The following ANKRD30A variants were observed in gnomAD, a reference collection of about 807,000 sequenced individuals.
ANKRD30A encodes ankyrin repeat domain-containing protein 30A.
A neutral mutation model predicts 166.3 loss-of-function variants in ANKRD30A; 170 were observed. The ratio of observed to expected loss-of-function variants is 1.02; its 90% CI spans 0.90 to 1.16. ANKRD30A has a LOEUF of 1.16. ANKRD30A is among the 50% of genes most tolerant of loss of function. ANKRD30A has a pLI of 0.00. For synonymous variants in ANKRD30A, 564 were observed against 508.9 expected (o/e 1.11, Z -1.46); for missense variants, 1,630 against 1,518.0 (o/e 1.07, Z -1.23).
chr10:37,183,163 T>C (rs1681112177), intron 24 of ANKRD30A, among the ~76,000 whole-genome samples: 3 of 149,482 alleles, frequency 2.0e-5, no homozygotes, highest in Non-Finnish European at 4.5e-5. Context: ...GAAATTAAAA[T>C]GAAAATATTT....
chr10:37,198,640 A>C (rs1015159936), intron 29 of ANKRD30A, among the ~76,000 whole-genome samples: 1 of 152,044 alleles, frequency 6.6e-6, no homozygotes, highest in East Asian at 1.9e-4. Flanking sequence ...TCCAGGGTTC[A>C]CTTCCAAAAA....
chr10:37,183,152 A>G (rs1840147305), intron 24 of ANKRD30A, among the ~76,000 whole-genome samples: 1 of 149,424 alleles, frequency 6.7e-6, no homozygotes, highest in Admixed American at 6.8e-5. Context: ...ATCCACTGTT[A>G]GAAATTAAAA....
At chr10:37,246,231 A>G in the ANKRD30A span, among the ~76,000 whole-genome samples, 12 of 152,354 alleles carry the variant, frequency 7.9e-5, no homozygotes, top group East Asian at 2.1e-3. Flanking sequence ...AATTTTACAA[A>G]GTAAAAATTA....
intron 27 of ANKRD30A, among the ~76,000 whole-genome samples, chr10:37,196,900 C>G (rs1052905781): frequency 6.6e-6 from 1 of 152,122 alleles, no homozygotes; most frequent in African/African-American, 2.4e-5. Context: ...AACCATGTAC[C>G]TTTCCGAAGA....
chr10:37,197,350 T>A, intron 28 of ANKRD30A, 41 bp downstream of exon 28: 4 of 1,613,090 alleles, frequency 2.5e-6, no homozygotes, highest in Non-Finnish European at 3.4e-6. Context: ...ACTTATTAAC[T>A]ATGTATTTTG....
intron 31 of ANKRD30A, among the ~76,000 whole-genome samples, chr10:37,204,871 G>A (rs913899203): frequency 1.3e-5 from 2 of 152,192 alleles, no homozygotes; most frequent in Non-Finnish European, 1.5e-5. Flanking sequence ...CCTGTCATCA[G>A]AGAAATGCAA....
chr10:37,150,214 T>C (rs2132554074), intron 11 of ANKRD30A, among the ~76,000 whole-genome samples: 1 of 152,222 alleles, frequency 6.6e-6, no homozygotes, highest in African/African-American at 2.4e-5. Context: ...ATCACGTCTT[T>C]TACTGATATA....
chr10:37,126,158 T>C (rs934317525), intron 1 of ANKRD30A, 150 bp downstream of exon 1: 2 of 798,770 alleles, frequency 2.5e-6, no homozygotes, highest in Admixed American at 2.7e-5. Context: ...GGCCCTCGGG[T>C]CTAGGCCTTC....
At chr10:37,126,477 G>C (rs1369938528) in intron 1 of ANKRD30A, among the ~76,000 whole-genome samples, 7 of 152,118 alleles carry the variant, frequency 4.6e-5, no homozygotes, top group Non-Finnish European at 7.4e-5. Flanking sequence ...TATCCATTTT[G>C]ATATCAATGA....
At chr10:37,155,092 C>A (rs1224988658) in intron 13 of ANKRD30A, among the ~76,000 whole-genome samples, 6 of 151,998 alleles carry the variant, frequency 3.9e-5, no homozygotes, top group Admixed American at 1.3e-4. Flanking sequence ...ATTTTAAAAA[C>A]CATAAAATTC....
At chr10:37,228,937 A>AT (rs1186740812) in intron 34 of ANKRD30A, among the ~76,000 whole-genome samples, 2 of 152,024 alleles carry the variant, frequency 1.3e-5, no homozygotes, top group African/African-American at 2.4e-5. Flanking sequence ...TTACTAATTA[A>AT]TCTGCCATTT....
chr10:37,125,875 G>A lies in ANKRD30A; in HGVS notation c.88G>A (p.Asp30Asn). The A allele has an allele frequency of 6.6e-7, 1 of 1,505,232 alleles. No homozygotes were observed. The highest frequency in any genetic ancestry group is 1.1e-5 in the South Asian group (1 of 87,848). The allele number at this position is 1,505,232 out of a possible 1,614,324, so 93.2% of individuals were successfully genotyped here. A position where few individuals can be genotyped will look rare whatever the true frequency, so the allele number is the denominator to read the frequency against. The change falls in exon 1 of 36, where the codon GAC becomes AAC. Residue 30 changes from aspartate to asparagine, a missense_variant. By Grantham distance (23) the Asp-to-Asn change is conservative. This residue lies in a region of ANKRD30A where 904 missense variants were observed against 818.5 expected (regional missense o/e 1.10). Transcript: ENST00000361713. Reference protein sequence around the residue: ...PFSQLVYTSNDSYIVHSGDLR... With the variant: ...PFSQLVYTSNNSYIVHSGDLR... The stretch of plus-strand genomic sequence containing the variant: ...CAGCCAGCTAGTCTATACCAGCAAC[G>A]ACTCCTACATCGTCCACTCTGGGGA...
intron 15 of ANKRD30A, among the ~76,000 whole-genome samples, chr10:37,162,115 A>T (rs1167003148): frequency 6.6e-6 from 1 of 152,156 alleles, no homozygotes. Context: ...ACAGAAATAT[A>T]GGCATATGAT....
chr10:37,247,818 C>A, the ANKRD30A span, among the ~76,000 whole-genome samples: 1 of 148,782 alleles, frequency 6.7e-6, no homozygotes, highest in African/African-American at 2.5e-5. Context: ...GGAGGCGGAG[C>A]TTGCAGTGAG....
At chr10:37,172,500 G>T (rs2132623348) in intron 21 of ANKRD30A, among the ~76,000 whole-genome samples, 1 of 119,486 alleles carries the variant, frequency 8.4e-6, no homozygotes, top group Non-Finnish European at 1.7e-5. Flanking sequence ...AAACAGTGTT[G>T]TATGGGAAGA....
At chr10:37,145,451 G>C (rs551840414) in intron 8 of ANKRD30A, among the ~76,000 whole-genome samples, 1 of 151,984 alleles carries the variant, frequency 6.6e-6, no homozygotes, top group Non-Finnish European at 1.5e-5. Context: ...CACTCAGATC[G>C]GGCCATTGCA....
chr10:37,148,413 A>T (rs1837668138), intron 9 of ANKRD30A, among the ~76,000 whole-genome samples: 1 of 152,142 alleles, frequency 6.6e-6, no homozygotes, highest in Admixed American at 6.5e-5. Context: ...TGGAAAAATA[A>T]ATTTGAAACA....
At chr10:37,252,221 T>G in the ANKRD30A span, among the ~76,000 whole-genome samples, 27 of 152,210 alleles carry the variant, frequency 1.8e-4, no homozygotes, top group African/African-American at 6.3e-4. Context: ...AAATGGCTCC[T>G]GAAAACATTT....
chr10:37,127,046 C>CAAAAA lies in ANKRD30A; in HGVS notation c.221+1073_221+1077dup, dbSNP rs71007622. Among the ~76,000 whole-genome samples, 143 of 16,502 alleles carry CAAAAA rather than the reference C, an allele frequency of 8.7e-3. 27 individuals are homozygous for CAAAAA. Among genetic ancestry groups the CAAAAA allele is most frequent in the East Asian group, 0.018 (3 of 164 alleles). 10.8% of individuals were successfully genotyped at this position (16,502 alleles called of 152,430 possible). A position where few individuals can be genotyped will look rare whatever the true frequency, so the allele number is the denominator to read the frequency against. ...TAGGTGATAGAGTGAAACTCTGTCT[C>CAAAAA]AAAAAAAAAAAAAAAAAAAAAAAAA... is the stretch of plus-strand genomic sequence containing the variant. On this transcript the variant is annotated intron_variant, in intron 1 of 35. Transcript: ENST00000361713.
Sources: allele counts gnomAD v4.1 joint callset (sites outside exome capture counted in the v4.1 genomes callset), GRCh38; gene constraint gnomAD v4.1.1; regional missense constraint gnomAD v4.1.1; transcripts MANE v1.5; gene names NCBI Gene and HGNC (gene_info 2026-07-23, HGNC 2026-07-21).